The following RIMS2 variants were observed in gnomAD, a reference collection of about 807,000 sequenced individuals.
RIMS2 encodes the protein regulating synaptic membrane exocytosis 2.
A neutral mutation model predicts 174.4 loss-of-function variants in RIMS2; 59 were observed. The ratio of observed to expected loss-of-function variants is 0.34; its 90% CI spans 0.27 to 0.42. The LOEUF (loss-of-function observed/expected upper bound fraction) is 0.42. RIMS2 is among the 10% of genes least tolerant of loss of function. The probability of loss-of-function intolerance (pLI) is 1.00; values close to 1 mark genes in which losing one functional copy is unlikely to be tolerated. For synonymous variants in RIMS2, 606 were observed against 572.5 expected, an observed-to-expected ratio of 1.06 and a Z score of -0.84; for missense variants, 1,620 against 1,666.3, an observed-to-expected ratio of 0.97 and a Z score of 0.48.
intron 1 of RIMS2, among the ~76,000 whole-genome samples, chr8:103,563,651 T>C (rs1359416908): frequency 3.3e-5 from 5 of 152,190 alleles, no homozygotes; most frequent in Admixed American, 2.6e-4. Flanking sequence ...TCACTTCCAC[T>C]TTTTTGTGTA....
intron 2 of RIMS2, among the ~76,000 whole-genome samples, chr8:103,738,762 A>G (rs971647042): frequency 6.6e-6 from 1 of 152,208 alleles, no homozygotes; most frequent in African/African-American, 2.4e-5. Flanking sequence ...TATGCAGCCA[A>G]CAGACACATG....
intron 1 of RIMS2, among the ~76,000 whole-genome samples, chr8:103,536,619 C>T (rs566612854): frequency 6.6e-6 from 1 of 152,236 alleles, no homozygotes; most frequent in South Asian, 2.1e-4. Context: ...GCACATCTTG[C>T]ATGGCCAGAG....
At chr8:103,702,728 T>A (rs2097179731) in intron 2 of RIMS2, among the ~76,000 whole-genome samples, 1 of 152,132 alleles carries the variant, frequency 6.6e-6, no homozygotes, top group Admixed American at 6.6e-5. Flanking sequence ...GATGCATTGA[T>A]TTATTTCTGA....
intron 17 of RIMS2, among the ~76,000 whole-genome samples, chr8:104,010,489 G>A (rs1277167492): frequency 1.3e-5 from 2 of 152,048 alleles, no homozygotes; most frequent in African/African-American, 4.8e-5. Flanking sequence ...TTAAGACTGG[G>A]TTGTTAACAA....
intron 19 of RIMS2, among the ~76,000 whole-genome samples, chr8:104,182,347 G>T (rs1193741578): frequency 6.6e-6 from 1 of 151,644 alleles, no homozygotes; most frequent in Non-Finnish European, 1.5e-5. Flanking sequence ...ACTGAATTTA[G>T]AAAAATATCT....
At chr8:103,812,468 G>A (rs2098694904) in intron 3 of RIMS2, among the ~76,000 whole-genome samples, 1 of 151,058 alleles carries the variant, frequency 6.6e-6, no homozygotes, top group Non-Finnish European at 1.5e-5. Flanking sequence ...ATATACCTCC[G>A]CCTCTTGGGT....
chr8:103,643,733 C>A (rs1182382750), intron 1 of RIMS2, among the ~76,000 whole-genome samples: 1 of 151,976 alleles, frequency 6.6e-6, no homozygotes, highest in Admixed American at 6.6e-5. Flanking sequence ...AAGAACTCTA[C>A]TGATTTGGTG....
At chr8:103,642,028 T>C (rs1263040762) in intron 1 of RIMS2, among the ~76,000 whole-genome samples, 2 of 152,230 alleles carry the variant, frequency 1.3e-5, no homozygotes, top group African/African-American at 4.8e-5. Flanking sequence ...AATTGGCATA[T>C]TTAGACCATT....
exon 23 of RIMS2, chr8:104,251,120 A>C (rs1265086658): frequency 6.2e-7 from 1 of 1,613,284 alleles, no homozygotes; most frequent in Non-Finnish European, 8.5e-7. Flanking sequence ...CTTTACCAGC[A>C]GCTATTATCT....
intron 3 of RIMS2, among the ~76,000 whole-genome samples, chr8:103,874,069 C>T (rs996116508): frequency 2.0e-5 from 3 of 151,978 alleles, no homozygotes; most frequent in African/African-American, 7.2e-5. Context: ...CGACCTAGAA[C>T]CTAATTTCTT....
intron 19 of RIMS2, among the ~76,000 whole-genome samples, chr8:104,050,875 G>C (rs2096774180): frequency 6.6e-6 from 1 of 151,878 alleles, no homozygotes; most frequent in Non-Finnish European, 1.5e-5. Context: ...TGATTTTTTT[G>C]AATCCCTTAC....
intron 1 of RIMS2, among the ~76,000 whole-genome samples, chr8:103,659,252 T>C (rs1348765843): frequency 6.6e-6 from 1 of 152,114 alleles, no homozygotes; most frequent in African/African-American, 2.4e-5. Flanking sequence ...ACTCTGGCAC[T>C]ACCACGGGCT....
chr8:104,099,893 T>A (rs970526949), intron 19 of RIMS2, among the ~76,000 whole-genome samples: 1 of 151,882 alleles, frequency 6.6e-6, no homozygotes, highest in African/African-American at 2.4e-5. Flanking sequence ...CATGGCTCAC[T>A]GCAGCCTCTG....
At chr8:104,096,592 G>A (rs980277091) in intron 19 of RIMS2, among the ~76,000 whole-genome samples, 7 of 152,202 alleles carry the variant, frequency 4.6e-5, no homozygotes, top group African/African-American at 7.2e-5. Flanking sequence ...TGTTGGGGCC[G>A]GGTGCGATGG....
chr8:104,025,059 G>A (rs191782257), intron 19 of RIMS2, among the ~76,000 whole-genome samples: 153 of 152,324 alleles, frequency 1.0e-3, no homozygotes, highest in African/African-American at 3.6e-3. Flanking sequence ...GCTGAAAGAT[G>A]TGGTAGAGTG....
intron 19 of RIMS2, among the ~76,000 whole-genome samples, chr8:104,235,904 C>G (rs2099255865): frequency 6.6e-6 from 1 of 151,890 alleles, no homozygotes; most frequent in African/African-American, 2.4e-5. Flanking sequence ...TTTTTTAAAG[C>G]TTTTTGTTGT....
chr8:104,169,565 TTTCTC>T (rs1413652543), intron 19 of RIMS2, among the ~76,000 whole-genome samples: 10 of 151,974 alleles, frequency 6.6e-5, no homozygotes, highest in African/African-American at 2.4e-4. Flanking sequence ...ATTTGGATCT[TTTCTC>T]TTCTTTTCTT....
intron 3 of RIMS2, among the ~76,000 whole-genome samples, chr8:103,807,216 GA>G (rs139483589): frequency 0.15 from 22,797 of 151,986 alleles, 1,784 homozygotes; most frequent in Middle Eastern, 0.24. Context: ...AAGACACTGT[GA>G]AAAAATTGAC....
intron 22 of RIMS2, 113 bp downstream of exon 28, chr8:104,249,701 G>C: frequency 1.6e-6 from 1 of 634,082 alleles, no homozygotes; most frequent in Non-Finnish European, 2.8e-6. Context: ...ACTAATGGAT[G>C]GTCCATTATG....
Sources: allele counts gnomAD v4.1 joint callset (sites outside exome capture counted in the v4.1 genomes callset), GRCh38; gene constraint gnomAD v4.1.1; transcripts MANE v1.5; gene names NCBI Gene and HGNC (gene_info 2026-07-23, HGNC 2026-07-21).